Variants in ARHGAP15 observed in about 807,000 individuals in gnomAD.
ARHGAP15 encodes the protein rho GTPase-activating protein 15.
A neutral mutation model predicts 63.7 loss-of-function variants in ARHGAP15; 51 were observed. The ratio of observed to expected loss-of-function variants is 0.80; its 90% CI spans 0.64 to 1.01. ARHGAP15 has a LOEUF of 1.01. Among genes scored for constraint, ARHGAP15 ranks in the 50% least tolerant of loss-of-function variants. The probability of loss-of-function intolerance (pLI) is 0.00; values close to 1 mark genes in which losing one functional copy is unlikely to be tolerated. For synonymous variants in ARHGAP15, 191 were observed against 193.8 expected, an observed-to-expected ratio of 0.99 and a Z score of 0.12; for missense variants, 560 against 564.6, an observed-to-expected ratio of 0.99 and a Z score of 0.08.
intron 6 of ARHGAP15, among the ~76,000 whole-genome samples, chr2:143,421,898 A>G (rs1558960515): frequency 2.6e-5 from 4 of 151,342 alleles, no homozygotes; most frequent in African/African-American, 9.7e-5. Flanking sequence ...AGAAAGAGAA[A>G]GGGGGGGAGA....
chr2:143,768,055 C>A lies in ARHGAP15; in HGVS notation c.1311C>A (p.Thr437=), dbSNP rs2072978806. 1.2e-6 allele frequency: 2 copies of A among 1,613,722 alleles called. No homozygotes were observed. The change falls in exon 14 of 14, where the codon ACC becomes ACA. Residue 437 remains threonine (T), a synonymous_variant. Transcript: ENST00000295095. ...TQSLGIVFGP[T]LLRAENETGN... Reference sequence around the variant, plus strand: ...GCTTGGGGATTGTATTTGGACCTACCCTTCTGCGAGCTGAAAATGAAACAG... The same window carrying A: ...GCTTGGGGATTGTATTTGGACCTACACTTCTGCGAGCTGAAAATGAAACAG...
chr2:143,344,937 C>G (rs766638289), intron 6 of ARHGAP15, among the ~76,000 whole-genome samples: 23 of 152,024 alleles, frequency 1.5e-4, no homozygotes, highest in Non-Finnish European at 3.1e-4. Flanking sequence ...CTTAAGCGGT[C>G]GGAAAATCAT....
intron 4 of ARHGAP15, among the ~76,000 whole-genome samples, chr2:143,222,972 CT>C (rs1221839825): frequency 1.3e-5 from 2 of 151,862 alleles, no homozygotes; most frequent in Admixed American, 6.6e-5. Flanking sequence ...ACCTGCATTT[CT>C]TTTTTTGTTT....
At chr2:143,258,371 T>A (rs1387765613) in intron 6 of ARHGAP15, among the ~76,000 whole-genome samples, 1 of 151,264 alleles carries the variant, frequency 6.6e-6, no homozygotes, top group Non-Finnish European at 1.5e-5. Flanking sequence ...TATAAGAAAA[T>A]AACAAAGCAA....
chr2:143,286,722 T>A (rs2105102182), intron 6 of ARHGAP15, among the ~76,000 whole-genome samples: 1 of 152,334 alleles, frequency 6.6e-6, no homozygotes, highest in South Asian at 2.1e-4. Context: ...ATAAATTTGT[T>A]ATTTTTTTAA....
intron 10 of ARHGAP15, among the ~76,000 whole-genome samples, chr2:143,535,669 G>C (rs1283750283): frequency 1.3e-5 from 2 of 152,148 alleles, no homozygotes; most frequent in Non-Finnish European, 2.9e-5. Context: ...GGCACTTCAA[G>C]ATTTAGCTAT....
chr2:143,703,109 T>C (rs1684164106), intron 12 of ARHGAP15, among the ~76,000 whole-genome samples: 2 of 152,194 alleles, frequency 1.3e-5, no homozygotes, highest in Admixed American at 1.3e-4. Context: ...GTTGCTTTCA[T>C]GTTAAGATTA....
At chr2:143,325,536 A>G (rs1684210207) in intron 6 of ARHGAP15, among the ~76,000 whole-genome samples, 1 of 152,112 alleles carries the variant, frequency 6.6e-6, no homozygotes, top group Non-Finnish European at 1.5e-5. Context: ...CCTTGCAATG[A>G]TTATCAAACG....
intron 12 of ARHGAP15, among the ~76,000 whole-genome samples, chr2:143,681,577 C>A (rs570724509): frequency 1.6e-4 from 24 of 152,082 alleles, no homozygotes; most frequent in Non-Finnish European, 2.5e-4. Context: ...CAGGTTTGAT[C>A]GGAATTTTCT....
At chr2:143,172,929 G>A (rs1414272913) in intron 2 of ARHGAP15, among the ~76,000 whole-genome samples, 8 of 152,130 alleles carry the variant, frequency 5.3e-5, no homozygotes, top group East Asian at 1.9e-4. Context: ...GAGACAAAGC[G>A]TAGAAATATA....
intron 11 of ARHGAP15, chr2:143,571,904 C>A (rs1014813041): frequency 1.3e-5 from 2 of 152,180 alleles, no homozygotes; most frequent in African/African-American, 4.8e-5. Context: ...TCTTTCAGAG[C>A]AAGATGCACA....
At chr2:143,262,540 T>A (rs1003036816) in intron 6 of ARHGAP15, among the ~76,000 whole-genome samples, 79 of 145,648 alleles carry the variant, frequency 5.4e-4, no homozygotes, top group Admixed American at 1.2e-3. Context: ...CTTTGATTTT[T>A]TTTTTTTTTT....
chr2:143,355,370 A>G (rs1342075747), intron 6 of ARHGAP15, among the ~76,000 whole-genome samples: 2 of 152,170 alleles, frequency 1.3e-5, no homozygotes, highest in Admixed American at 6.6e-5. Flanking sequence ...CTTGTCGGTG[A>G]TGTGATTTAC....
At chr2:143,260,671 CT>C (rs1004059241) in intron 6 of ARHGAP15, among the ~76,000 whole-genome samples, 1 of 152,094 alleles carries the variant, frequency 6.6e-6, no homozygotes, top group Non-Finnish European at 1.5e-5. Context: ...GAAAGTAAGA[CT>C]TTTGGGTTTT....
At chr2:143,730,447 C>T (rs546323351) in intron 13 of ARHGAP15, among the ~76,000 whole-genome samples, 1 of 152,266 alleles carries the variant, frequency 6.6e-6, no homozygotes, top group South Asian at 2.1e-4. Context: ...GTATACTATT[C>T]CGTATTGGAC....
chr2:143,153,309 G>A (rs988110732), intron 1 of ARHGAP15, among the ~76,000 whole-genome samples: 3 of 151,674 alleles, frequency 2.0e-5, no homozygotes, highest in African/African-American at 7.3e-5. Flanking sequence ...ACCCTTGAAG[G>A]CACTCAGAGG....
intron 12 of ARHGAP15, among the ~76,000 whole-genome samples, chr2:143,629,300 A>C (rs950013): frequency 0.38 from 57,090 of 151,894 alleles, 12,277 homozygotes; most frequent in East Asian, 0.72. Context: ...TATATCTCAG[A>C]ATCCAAGTAC....
At chr2:143,161,119 A>G (rs1334539446) in intron 2 of ARHGAP15, among the ~76,000 whole-genome samples, 1 of 152,042 alleles carries the variant, frequency 6.6e-6, no homozygotes, top group East Asian at 1.9e-4. Flanking sequence ...CTACAAAGTA[A>G]TGAATAATTG....
chr2:143,449,606 A>G (rs1350546728), intron 8 of ARHGAP15, among the ~76,000 whole-genome samples: 1 of 152,072 alleles, frequency 6.6e-6, no homozygotes, highest in African/African-American at 2.4e-5. Context: ...CAAAAGAATC[A>G]AGGCCCACCA....
Sources: allele counts gnomAD v4.1 joint callset (sites outside exome capture counted in the v4.1 genomes callset), GRCh38; gene constraint gnomAD v4.1.1; transcripts MANE v1.5; gene names NCBI Gene and HGNC (gene_info 2026-07-23, HGNC 2026-07-21).